The following TAFA2 variants were observed in gnomAD, a reference collection of about 807,000 sequenced individuals.
TAFA2 encodes TAFA chemokine like family member 2.
Under a neutral mutation model 18.8 loss-of-function variants are expected in TAFA2, and 7 were observed. The observed-to-expected ratio is 0.37, with a 90% CI of 0.21 to 0.70. The LOEUF (loss-of-function observed/expected upper bound fraction) is 0.70, where lower values mean the gene tolerates loss of function less well. Ranked by LOEUF, TAFA2 falls within the 30% of genes least tolerant of loss-of-function variation. TAFA2 has a pLI of 0.53. For synonymous variants in TAFA2, 60 were observed against 54.2 expected, an observed-to-expected ratio of 1.11 and a Z score of -0.47; for missense variants, 122 against 158.1, an observed-to-expected ratio of 0.77 and a Z score of 1.23.
intron 2 of TAFA2, among the ~76,000 whole-genome samples, chr12:61,863,984 C>T (rs1307765695): frequency 6.6e-6 from 1 of 152,084 alleles, no homozygotes; most frequent in East Asian, 1.9e-4. Flanking sequence ...GGCGATTCTC[C>T]AGCTGAGACT....
At chr12:62,127,043 C>T (rs911920895) in intron 1 of TAFA2, among the ~76,000 whole-genome samples, 1 of 151,954 alleles carries the variant, frequency 6.6e-6, no homozygotes, top group African/African-American at 2.4e-5. Flanking sequence ...TTGGATGAAC[C>T]CAAACACTTC....
intron 1 of TAFA2, among the ~76,000 whole-genome samples, chr12:62,222,852 G>C (rs2136979732): frequency 6.6e-6 from 1 of 151,978 alleles, no homozygotes; most frequent in East Asian, 1.9e-4. Context: ...TGAAAACAAA[G>C]AAATGCAATG....
At chr12:61,979,533 A>G (rs186244085) in intron 1 of TAFA2, among the ~76,000 whole-genome samples, 1 of 152,248 alleles carries the variant, frequency 6.6e-6, no homozygotes. Flanking sequence ...TTCCCAGGGT[A>G]TAGGAAGAGT....
intron 1 of TAFA2, among the ~76,000 whole-genome samples, chr12:61,919,168 G>A (rs1876945247): frequency 6.6e-6 from 1 of 151,934 alleles, no homozygotes; most frequent in African/African-American, 2.4e-5. Flanking sequence ...TTTCCTTCTT[G>A]GCCTTCCCCT....
chr12:62,235,128 G>A, intron 1 of TAFA2: 1 of 646,898 alleles, frequency 1.5e-6, no homozygotes, highest in Non-Finnish European at 2.9e-6. Flanking sequence ...CATTATCTGG[G>A]GCCCACTGAA....
At chr12:61,989,527 A>G (rs1280935520) in intron 1 of TAFA2, among the ~76,000 whole-genome samples, 2 of 152,076 alleles carry the variant, frequency 1.3e-5, no homozygotes, top group African/African-American at 4.8e-5. Flanking sequence ...ACCTCTCAGC[A>G]CCACCCTTGC....
At chr12:61,790,785 C>T (rs1870943771) in intron 2 of TAFA2, among the ~76,000 whole-genome samples, 1 of 151,734 alleles carries the variant, frequency 6.6e-6, no homozygotes, top group Non-Finnish European at 1.5e-5. Context: ...AATGCTCATA[C>T]TACCCAAAGC....
chr12:62,042,256 T>C (rs1881776912), intron 1 of TAFA2, among the ~76,000 whole-genome samples: 1 of 151,980 alleles, frequency 6.6e-6, no homozygotes, highest in Non-Finnish European at 1.5e-5. Context: ...TCAATCCTGA[T>C]CTCATGGAGG....
At position 61,920,545 on chromosome 12, in the gene TAFA2, A is replaced by C. The variant is rs142081093; in HGVS notation, c.-1-53119T>G. Among the ~76,000 whole-genome samples, 10 of 152,310 alleles carry C rather than the reference A, an allele frequency of 6.6e-5. No homozygotes were observed. The East Asian group carries it at 1.9e-3, about 29-fold the overall frequency. On this transcript the variant is annotated intron_variant, in intron 1 of 4. Transcript: ENST00000416284. ...AAGCCTAAAACCCTTTTCCTTTGTC[A>C]TGTCACTTTTCTACAAATGTATTGT...
intron 1 of TAFA2, among the ~76,000 whole-genome samples, chr12:61,933,648 A>G (rs1877652967): frequency 1.3e-5 from 2 of 152,180 alleles, no homozygotes; most frequent in South Asian, 4.1e-4. Context: ...TTTTGAGCCC[A>G]GGAGTTTGAG....
chr12:61,929,608 G>A (rs28562164), intron 1 of TAFA2, among the ~76,000 whole-genome samples: 10,759 of 151,516 alleles, frequency 0.071, 1,249 homozygotes, highest in African/African-American at 0.24. Context: ...GATTCCTCAG[G>A]GATCTAGAAC....
chr12:61,790,385 A>T (rs185105782), intron 2 of TAFA2, among the ~76,000 whole-genome samples: 41 of 152,000 alleles, frequency 2.7e-4, no homozygotes, highest in African/African-American at 9.6e-4. Context: ...GGCAACAGAA[A>T]TCAATAAAAC....
chr12:61,850,582 A>G (rs1873600126), intron 2 of TAFA2, among the ~76,000 whole-genome samples: 2 of 152,116 alleles, frequency 1.3e-5, no homozygotes, highest in African/African-American at 4.8e-5. Context: ...CTATAAACCC[A>G]CCAACACCAG....
At chr12:62,140,349 A>G (rs140476152) in intron 1 of TAFA2, 94 of 152,330 alleles carry the variant, frequency 6.2e-4, no homozygotes, top group African/African-American at 2.2e-3. Flanking sequence ...CAGCTTCTTC[A>G]GCTTCCCACC....
chr12:62,174,192 T>C (rs1211185091), intron 1 of TAFA2, among the ~76,000 whole-genome samples: 1 of 152,112 alleles, frequency 6.6e-6, no homozygotes, highest in Non-Finnish European at 1.5e-5. Context: ...CTCACACGCC[T>C]GTAGTCCCAG....
rs1350123861 is a variant in TAFA2, at chr12:62,130,272, T to G, written c.-2+60987A>C. The stretch of plus-strand genomic sequence containing the variant: ...TCCGTAAACAAAGTAATTCACATCT[T>G]TTCGGCTGCTATCAGGAAGACTTTA... On this transcript the variant is annotated intron_variant, in intron 1 of 4. Transcript: ENST00000416284. 4.6e-5 allele frequency among the ~76,000 whole-genome samples: 7 copies of G among 152,074 alleles called. 1 individual carries two copies. In the East Asian group the frequency reaches 1.2e-3, roughly 25 times the overall value.
intron 2 of TAFA2, among the ~76,000 whole-genome samples, chr12:61,857,072 A>G (rs534543148): frequency 1.3e-5 from 2 of 151,992 alleles, no homozygotes; most frequent in East Asian, 3.9e-4. Context: ...ATATTTTTCA[A>G]TTTTCTCCAA....
chr12:61,863,517 G>A (rs1874215002), intron 2 of TAFA2, among the ~76,000 whole-genome samples: 1 of 152,144 alleles, frequency 6.6e-6, no homozygotes, highest in South Asian at 2.1e-4. Context: ...GGGGTAGGGT[G>A]GACAGACCAT....
At chr12:62,133,521 AT>A (rs1343309879) in intron 1 of TAFA2, among the ~76,000 whole-genome samples, 3 of 152,042 alleles carry the variant, frequency 2.0e-5, no homozygotes, top group Non-Finnish European at 2.9e-5. Flanking sequence ...AGAGAGGGAG[AT>A]TTCCTCAATC....
Sources: gnomAD v4.1 joint callset for allele counts (sites outside exome capture counted in the v4.1 genomes callset) on GRCh38, gnomAD v4.1.1 for gene constraint, MANE v1.5 for transcripts, NCBI Gene and HGNC (gene_info 2026-07-23, HGNC 2026-07-21) for gene names.